HIVEP3: variants seen among roughly 807,000 people sequenced by gnomAD.
HIVEP3 encodes transcription factor HIVEP3.
HIVEP3 carries 49 observed loss-of-function variants against 152.8 expected under a neutral mutation model. The ratio of observed to expected loss-of-function variants is 0.32; its 90% CI spans 0.26 to 0.41. HIVEP3 has a LOEUF of 0.41. HIVEP3 is among the 10% of genes least tolerant of loss of function. HIVEP3 has a pLI of 1.00. For synonymous variants in HIVEP3, 1,269 were observed against 1,289.0 expected, an observed-to-expected ratio of 0.98 and a Z score of 0.33; for missense variants, 2,790 against 3,103.3, an observed-to-expected ratio of 0.90 and a Z score of 2.40.
rs138280686 is a variant in HIVEP3 at position 41,665,367 on chromosome 1, A to T, written c.-721+35549T>A. Among the ~76,000 whole-genome samples, 16 of 152,118 alleles carry T rather than the reference A, an allele frequency of 1.1e-4. No individual in the cohort carries two copies. The East Asian group carries it at 3.1e-3, about 29-fold the overall frequency. ...GTGCCAGTTCCTTCCTATCAGCCCC[A>T]TCCCCTGCAAGTAACTGGGCCAGGT... On this transcript the variant is annotated intron_variant, in intron 2 of 8. Coordinates refer to ENST00000372583, the MANE Select transcript of HIVEP3 (RefSeq NM_024503.5).
intron 2 of HIVEP3, among the ~76,000 whole-genome samples, chr1:41,678,660 C>T (rs943664566): frequency 5.3e-5 from 8 of 152,126 alleles, no homozygotes; most frequent in Non-Finnish European, 7.3e-5. Context: ...TGGAGAGAAA[C>T]CCCAGCCCCC....
chr1:41,959,894 C>T (rs1386294114), intron 1 of HIVEP3, among the ~76,000 whole-genome samples: 1 of 152,120 alleles, frequency 6.6e-6, no homozygotes, highest in South Asian at 2.1e-4. Flanking sequence ...GGCAAAAAAA[C>T]TGAGTTGTCT....
At chr1:41,638,279 A>AAAGAAAGAAAGAAAGT (rs1299237114) in intron 2 of HIVEP3, among the ~76,000 whole-genome samples, 1 of 150,978 alleles carries the variant, frequency 6.6e-6, no homozygotes, top group African/African-American at 2.4e-5. Context: ...AGAAAGAAAG[A>AAAGAAAGAAAGAAAGT]AAGAGGAAGG....
chr1:41,706,110 A>G (rs950080996), intron 1 of HIVEP3, among the ~76,000 whole-genome samples: 3 of 152,208 alleles, frequency 2.0e-5, no homozygotes, highest in African/African-American at 7.2e-5. Context: ...AGTTTGTTAC[A>G]TGGGTATATT....
At chr1:41,910,030 G>T (rs1299724613) in intron 1 of HIVEP3, among the ~76,000 whole-genome samples, 1 of 151,762 alleles carries the variant, frequency 6.6e-6, no homozygotes, top group Non-Finnish European at 1.5e-5. Flanking sequence ...ACCTTAAAAA[G>T]CTAAGAAAGA....
In HIVEP3 at chr1:41,510,928, C is replaced by G. The variant is rs370947548; in HGVS notation, c.6744G>C (p.Glu2248Asp). The G allele has an allele frequency of 6.2e-6, 10 of 1,613,610 alleles. No homozygotes were observed. The highest frequency in any genetic ancestry group is 8.5e-6 in the Non-Finnish European group (10 of 1,179,898). ...CAGGCGACACGGAGGCTGACGAGCT[C>G]TCAGTGGGACTCCAGCGGCCTCGCT... ...AQERGRWSPT[E>D]SSSASVSPVA... Residue 2248 changes from glutamate to aspartate, a missense_variant, in exon 9 of 9, where the codon GAG becomes GAC. Physicochemically the swap from Glu to Asp is conservative, Grantham distance 45 (BLOSUM62 2). Coordinates refer to ENST00000372583, the MANE Select transcript of HIVEP3 (RefSeq NM_024503.5).
chr1:41,575,926 G>A (rs1644321124), intron 4 of HIVEP3, among the ~76,000 whole-genome samples: 1 of 152,176 alleles, frequency 6.6e-6, no homozygotes, highest in Non-Finnish European at 1.5e-5. Flanking sequence ...CTGGAACCCT[G>A]TCTCTTTCAT....
intron 5 of HIVEP3, among the ~76,000 whole-genome samples, chr1:41,527,561 A>ATT: frequency 9.7e-6 from 1 of 103,312 alleles, no homozygotes; most frequent in East Asian, 2.9e-4. Context: ...ACACCCTCAC[A>ATT]CTCTTTCACA....
intron 1 of HIVEP3, among the ~76,000 whole-genome samples, chr1:41,925,527 AG>A (rs887268087): frequency 3.7e-4 from 57 of 152,264 alleles, no homozygotes; most frequent in African/African-American, 1.3e-3. Flanking sequence ...GCTGAGGAGG[AG>A]GAAGAAGAGG....
intron 6 of HIVEP3, among the ~76,000 whole-genome samples, chr1:41,523,010 G>A (rs557980638): frequency 5.2e-4 from 79 of 152,292 alleles, no homozygotes; most frequent in African/African-American, 1.2e-3. Flanking sequence ...CTCGGGGCCC[G>A]TGTTCTAGTT....
chr1:41,651,326 G>A (rs1243394897), intron 2 of HIVEP3, among the ~76,000 whole-genome samples: 3 of 150,170 alleles, frequency 2.0e-5, no homozygotes, highest in African/African-American at 4.9e-5. Context: ...CAGGAGAATC[G>A]CTTGAACTTG....
chr1:41,967,193 G>A (rs2124501829), intron 1 of HIVEP3, among the ~76,000 whole-genome samples: 1 of 152,174 alleles, frequency 6.6e-6, no homozygotes, highest in South Asian at 2.1e-4. Flanking sequence ...TGGATCAAGT[G>A]GACCTGATAG....
intron 1 of HIVEP3, among the ~76,000 whole-genome samples, chr1:41,983,395 T>C (rs1389112969): frequency 6.6e-6 from 1 of 152,186 alleles, no homozygotes; most frequent in Non-Finnish European, 1.5e-5. Context: ...AACATACTCA[T>C]AGTTCAAAAC....
intron 1 of HIVEP3, among the ~76,000 whole-genome samples, chr1:41,824,742 AATATATAT>A (rs375409601): frequency 0.031 from 2,305 of 74,812 alleles, 70 homozygotes; most frequent in Middle Eastern, 0.093. Context: ...TTCCAAGTTA[AATATATAT>A]ATATATATAT....
At position 41,744,634 on chromosome 1, in the gene HIVEP3, A is replaced by G. The variant is rs569393325; in HGVS notation, c.-800-43639T>C. The stretch of plus-strand genomic sequence containing the variant: ...TTGCTTTTGTTTTTCTGAAAATTCT[A>G]CTCAGTCGATGTATTGATCAGTGAG... On this transcript the variant is annotated intron_variant, in intron 1 of 8. Coordinates refer to ENST00000372583, the MANE Select transcript of HIVEP3 (RefSeq NM_024503.5). 7.2e-5 allele frequency among the ~76,000 whole-genome samples: 11 copies of G among 152,256 alleles called. No individual in the cohort carries two copies. The South Asian group carries it at 2.3e-3, about 32-fold the overall frequency.
At chr1:41,948,501 A>G (rs1012533524) in intron 1 of HIVEP3, among the ~76,000 whole-genome samples, 4 of 150,904 alleles carry the variant, frequency 2.7e-5, no homozygotes, top group Non-Finnish European at 4.4e-5. Flanking sequence ...AGAAAAGGAA[A>G]GGGAAATAGA....
chr1:41,747,875 C>A (rs1421827198), intron 1 of HIVEP3, among the ~76,000 whole-genome samples: 1 of 152,114 alleles, frequency 6.6e-6, no homozygotes, highest in Admixed American at 6.5e-5. Context: ...GATCAAAAGG[C>A]TTAAAAGGAT....
intron 5 of HIVEP3, among the ~76,000 whole-genome samples, chr1:41,552,688 G>C (rs944767656): frequency 3.3e-5 from 5 of 151,772 alleles, no homozygotes; most frequent in African/African-American, 4.8e-5. Context: ...ACGTGTGCAT[G>C]TGTCTTTATA....
chr1:41,910,623 C>T (rs1278356418), intron 1 of HIVEP3, among the ~76,000 whole-genome samples: 2 of 151,798 alleles, frequency 1.3e-5, no homozygotes, highest in African/African-American at 4.8e-5. Flanking sequence ...AGCAAAAAAA[C>T]CTAGCAATGT....
Sources: allele counts gnomAD v4.1 joint callset (sites outside exome capture counted in the v4.1 genomes callset), GRCh38; gene constraint gnomAD v4.1.1; transcripts MANE v1.5; gene names NCBI Gene and HGNC (gene_info 2026-07-23, HGNC 2026-07-21).